Variants in CNKSR2 observed in about 807,000 individuals in gnomAD.
CNKSR2 encodes the protein CNK homolog protein 2.
CNKSR2 carries 14 observed loss-of-function variants against 84.4 expected under a neutral mutation model. The observed-to-expected ratio is 0.17, with a 90% CI of 0.11 to 0.26. The LOEUF (loss-of-function observed/expected upper bound fraction) is 0.26. Among genes scored for constraint, CNKSR2 ranks in the 10% least tolerant of loss-of-function variants. The pLI is 1.00. For missense variants in CNKSR2, 485 were observed against 771.2 expected, an observed-to-expected ratio of 0.63 and a Z score of 4.40; for synonymous variants, 275 against 277.9, an observed-to-expected ratio of 0.99 and a Z score of 0.10.
In CNKSR2 at chrX:21,443,098, C is replaced by T. The variant is rs1465768843; in HGVS notation, c.519+2317C>T. On this transcript the variant is annotated intron_variant, in intron 4 of 21. Transcript: ENST00000379510. ...ATCTGTACAGCAAACCCCATGATACCCAATTTACTTATATAACAAACCTGC... is the reference window on the plus strand; with the variant it reads ...ATCTGTACAGCAAACCCCATGATACTCAATTTACTTATATAACAAACCTGC... Among the ~76,000 whole-genome samples the T allele has an allele frequency of 8.2e-5, 9 of 110,113 alleles. No homozygotes were observed. In the Admixed American group the frequency reaches 8.8e-4, roughly 11 times the overall value.
At chrX:21,595,295 T>G in intron 16 of CNKSR2, 29 bp from the exon 17 acceptor site, 1 of 1,095,499 alleles carries the variant, frequency 9.1e-7, no homozygotes, top group Non-Finnish European at 1.3e-6. Context: ...TCCCAATTTG[T>G]AATAAATGTA....
rs1378534459 is a variant in CNKSR2, at chrX:21,387,872, T to C, written c.64+12911T>C. Reference sequence around the variant, plus strand: ...TATATGTACATACTCAGTATGACTATACAAGAAGAAAATAATTGATATTTT... The same window carrying C: ...TATATGTACATACTCAGTATGACTACACAAGAAGAAAATAATTGATATTTT... On this transcript the variant is annotated intron_variant, in intron 1 of 21. Coordinates refer to ENST00000379510, the MANE Select transcript of CNKSR2 (RefSeq NM_014927.5). 4.5e-5 allele frequency among the ~76,000 whole-genome samples: 5 copies of C among 111,637 alleles called. No homozygotes were observed. In the East Asian group the frequency reaches 1.4e-3, roughly 31 times the overall value.
At chrX:21,408,393 G>A (rs949066949) in intron 1 of CNKSR2, among the ~76,000 whole-genome samples, 2 of 111,365 alleles carry the variant, frequency 1.8e-5, no homozygotes, top group African/African-American at 6.5e-5. Context: ...GCATCCATCA[G>A]GTTCTTCTCA....
chrX:21,558,047 G>A (rs1043509424), intron 11 of CNKSR2, among the ~76,000 whole-genome samples: 1 of 110,956 alleles, frequency 9.0e-6, no homozygotes, highest in Non-Finnish European at 1.9e-5. Context: ...TGTTTCACTT[G>A]GTTTTTTACC....
intron 4 of CNKSR2, 86 bp downstream of exon 4, chrX:21,440,867 T>G: frequency 1.9e-6 from 1 of 519,790 alleles, no homozygotes; most frequent in Non-Finnish European, 3.1e-6. Flanking sequence ...CCAAGAGTTT[T>G]TAAGATACTG....
Position 21,457,925 on chromosome X carries a change from A to G in CNKSR2, c.520-12841A>G, listed in dbSNP as rs188194003. 3.9e-3 allele frequency among the ~76,000 whole-genome samples: 436 copies of G among 112,326 alleles called. 8 individuals are homozygous for G. Among genetic ancestry groups the G allele is most frequent in the Admixed American group, 0.035 (375 of 10,622 alleles). The stretch of plus-strand genomic sequence containing the variant: ...GTTATGATGCTCTTGACAACTCTAC[A>G]AAGAGAATTGGTTTCATTGTACTGT... On this transcript the variant is annotated intron_variant, in intron 4 of 21. Transcript: ENST00000379510.
intron 1 of CNKSR2, chrX:21,423,203 G>C (rs774073010): frequency 1.2e-4 from 13 of 111,313 alleles, no homozygotes; most frequent in Non-Finnish European, 2.1e-4. Flanking sequence ...TAGAGGTTTG[G>C]AAACCATCCT....
intron 1 of CNKSR2, among the ~76,000 whole-genome samples, chrX:21,416,396 A>G (rs2090423199): frequency 1.8e-5 from 2 of 111,102 alleles, no homozygotes; most frequent in South Asian, 7.5e-4. Context: ...ATTGGCCTGT[A>G]GTTTTCTTTT....
At chrX:21,497,227 T>C (rs1160773710) in intron 6 of CNKSR2, among the ~76,000 whole-genome samples, 3 of 111,193 alleles carry the variant, frequency 2.7e-5, no homozygotes, top group Non-Finnish European at 5.7e-5. Flanking sequence ...GTAGATATGA[T>C]TGGATATAAT....
At chrX:21,390,498 G>A (rs1284680933) in intron 1 of CNKSR2, among the ~76,000 whole-genome samples, 1 of 111,087 alleles carries the variant, frequency 9.0e-6, no homozygotes, top group Non-Finnish European at 1.9e-5. Context: ...AGAGAGCAAA[G>A]GGAAAGGTGC....
intron 1 of CNKSR2, among the ~76,000 whole-genome samples, chrX:21,406,577 A>G (rs931470786): frequency 9.0e-6 from 1 of 111,547 alleles, no homozygotes; most frequent in Non-Finnish European, 1.9e-5. Context: ...TTTTCTGAAA[A>G]CTGTTTCATG....
At chrX:21,436,141 A>G (rs1429834720) in intron 3 of CNKSR2, among the ~76,000 whole-genome samples, 1 of 111,576 alleles carries the variant, frequency 9.0e-6, no homozygotes, top group Non-Finnish European at 1.9e-5. Flanking sequence ...AATGTGATCC[A>G]TTGTTTGGTC....
At chrX:21,433,696 G>A (rs1023112946) in intron 3 of CNKSR2, among the ~76,000 whole-genome samples, 20 of 92,841 alleles carry the variant, frequency 2.2e-4, no homozygotes, top group Non-Finnish European at 3.5e-4. Flanking sequence ...ACACACACAC[G>A]CCAGTATTAC....
chrX:21,489,378 A>T (rs1230665094), intron 5 of CNKSR2, among the ~76,000 whole-genome samples: 3 of 111,617 alleles, frequency 2.7e-5, no homozygotes, highest in Non-Finnish European at 5.6e-5. Context: ...TACAGAACAA[A>T]TGTAACATGT....
chrX:21,579,709 G>A (rs1393899741), intron 13 of CNKSR2, among the ~76,000 whole-genome samples: 2 of 110,989 alleles, frequency 1.8e-5, no homozygotes, highest in East Asian at 5.7e-4. Context: ...AAAAGCTTTG[G>A]CTCTGTGTGG....
intron 11 of CNKSR2, among the ~76,000 whole-genome samples, chrX:21,558,446 G>A (rs1238676662): frequency 9.1e-6 from 1 of 109,625 alleles, no homozygotes; most frequent in Non-Finnish European, 1.9e-5. Flanking sequence ...GCAAAACCTT[G>A]ATGTTCTCCA....
chrX:21,507,268 G>A (rs1377690992), intron 8 of CNKSR2, among the ~76,000 whole-genome samples: 1 of 111,108 alleles, frequency 9.0e-6, no homozygotes, highest in Admixed American at 9.6e-5. Context: ...AGCTCAAATT[G>A]TAGGTAACAT....
chrX:21,572,033 T>C (rs1012757813), intron 13 of CNKSR2, among the ~76,000 whole-genome samples: 3 of 112,423 alleles, frequency 2.7e-5, no homozygotes, highest in Admixed American at 9.4e-5. Context: ...CATGTTAGAG[T>C]ACAACAGTAC....
At chrX:21,577,432 AT>A (rs1258253424) in intron 13 of CNKSR2, among the ~76,000 whole-genome samples, 3 of 111,678 alleles carry the variant, frequency 2.7e-5, no homozygotes, top group Admixed American at 9.5e-5. Context: ...GGGAAAAAAA[AT>A]ACACAAATTC....
Sources: gnomAD v4.1 joint callset for allele counts (sites outside exome capture counted in the v4.1 genomes callset) on GRCh38, gnomAD v4.1.1 for gene constraint, MANE v1.5 for transcripts, NCBI Gene and HGNC (gene_info 2026-07-23, HGNC 2026-07-21) for gene names.